The following SSB variants were observed in gnomAD, a reference collection of about 807,000 sequenced individuals.
SSB encodes the protein small RNA binding exonuclease protection factor La.
In SSB, 17 loss-of-function variants were observed where a neutral mutation model predicts 52.9. That is an observed-to-expected ratio of 0.32 (90% CI 0.22 to 0.48). The LOEUF is 0.48. Ranked by LOEUF, SSB falls within the 20% of genes least tolerant of loss-of-function variation. The probability of loss-of-function intolerance (pLI) is 0.99; values close to 1 mark genes in which losing one functional copy is unlikely to be tolerated. For synonymous variants in SSB, 111 were observed against 152.1 expected, an observed-to-expected ratio of 0.73 and a Z score of 1.99; for missense variants, 314 against 463.6, an observed-to-expected ratio of 0.68 and a Z score of 2.96.
chr2:169,805,758 A>T lies in SSB; in HGVS notation c.264A>T (p.Lys88Asn), dbSNP rs1689816407. 1 of 1,614,126 alleles carries T rather than the reference A, an allele frequency of 6.2e-7. No individual in the cohort carries two copies. Among genetic ancestry groups the T allele is most frequent in the Non-Finnish European group, 8.5e-7 (1 of 1,180,018 alleles). The change falls in exon 4 of 12, where the codon AAA becomes AAT. Residue 88 changes from lysine to asparagine, a missense_variant. Physicochemically the swap from Lys to Asn is moderately conservative, Grantham distance 94 (BLOSUM62 0). Coordinates refer to ENST00000260956, the MANE Select transcript of SSB (RefSeq NM_003142.5). ...ELMEISEDKT[K>N]IRRSPSKPLP... ...TGGAAATCAGTGAAGATAAAACTAA[A>T]ATCAGAAGGTCTCCAAGCAAACCCC...
intron 11 of SSB, 77 bp downstream of exon 11, chr2:169,811,400 A>T: frequency 1.4e-6 from 2 of 1,459,146 alleles, no homozygotes; most frequent in Non-Finnish European, 1.8e-6. Flanking sequence ...GCCAGAGAGA[A>T]TAGGGATTTG....
At chr2:169,805,351 G>A (rs1689807626) in intron 2 of SSB, 123 bp from the exon 3 acceptor site, 6 of 644,534 alleles carry the variant, frequency 9.3e-6, no homozygotes, top group Non-Finnish European at 1.1e-5. Flanking sequence ...TATATTTGGG[G>A]AAAGTGTTTT....
intron 9 of SSB, 171 bp downstream of exon 9, chr2:169,810,594 TAG>T (rs1689928704): frequency 2.8e-6 from 2 of 702,842 alleles, no homozygotes; most frequent in Non-Finnish European, 4.6e-6. Flanking sequence ...TATACTAAAT[TAG>T]TTTCTACTTG....
rs773348882 is a variant in SSB at position 169,811,776 on chromosome 2, ATTCATTTTAAATAGGT to A, written c.*23_*38del. 6.2e-7 allele frequency: 1 copy of A among 1,612,992 alleles called. No individual in the cohort carries two copies. The highest frequency in any genetic ancestry group is 1.1e-5 in the South Asian group (1 of 90,766). On this transcript the variant is annotated 3_prime_UTR_variant, in exon 12 of 12. Coordinates refer to ENST00000260956, the MANE Select transcript of SSB (RefSeq NM_003142.5). ...CAGTAGTTTAGTAAACCAATTTTTT[ATTCATTTTAAATAGGT>A]TTTAAACGACTTTTGTTTGCGGGGC...
Position 169,812,047 on chromosome 2 carries a change from A to G in SSB, c.*291A>G, listed in dbSNP as rs1485454690. 7 of 676,788 alleles carry G rather than the reference A, an allele frequency of 1.0e-5. No homozygotes were observed. The highest frequency in any genetic ancestry group is 4.8e-6 in the Non-Finnish European group (2 of 412,866). 41.9% of individuals were successfully genotyped at this position (676,788 alleles called of 1,614,324 possible). ...CAAACTAACTAATAAAATATATACT[A>G]TATGAAAAGAGCAAAAACAGTTTTT... is the stretch of plus-strand genomic sequence containing the variant. On this transcript the variant is annotated 3_prime_UTR_variant, in exon 12 of 12. Coordinates refer to ENST00000260956, the MANE Select transcript of SSB (RefSeq NM_003142.5).
In SSB at chr2:169,801,141, G is replaced by C. The variant is rs1267732476; in HGVS notation, c.66+115G>C. 5 of 786,564 alleles carry C rather than the reference G, an allele frequency of 6.4e-6. No homozygotes were observed. In the East Asian group the frequency reaches 1.1e-4, roughly 18 times the overall value. 48.7% of individuals were successfully genotyped at this position (786,564 alleles called of 1,614,324 possible). A position where few individuals can be genotyped will look rare whatever the true frequency, so the allele number is the denominator to read the frequency against. On this transcript the variant is annotated intron_variant, in intron 2 of 11. Transcript: ENST00000260956. The stretch of plus-strand genomic sequence containing the variant: ...ACATTTGGTTTGCCTTTGATTCTTA[G>C]ATGAACATATAATAGCATACAGTTT...
intron 1 of SSB, among the ~76,000 whole-genome samples, chr2:169,800,389 G>A (rs1689684804): frequency 6.6e-6 from 1 of 151,980 alleles, no homozygotes; most frequent in Non-Finnish European, 1.5e-5. Flanking sequence ...AAATTAGTCA[G>A]CCGCAGCCGT....
intron 4 of SSB, chr2:169,806,129 C>A: frequency 2.9e-6 from 1 of 349,498 alleles, no homozygotes; most frequent in Non-Finnish European, 5.5e-6. Flanking sequence ...TGCTACCATG[C>A]CTGGCAAAAA....
chr2:169,811,837 T>A lies in SSB; in HGVS notation c.*81T>A, dbSNP rs1689966030. The A allele has an allele frequency of 6.2e-7, 1 of 1,613,560 alleles. No individual in the cohort carries two copies. Among genetic ancestry groups the A allele is most frequent in the Non-Finnish European group, 8.5e-7 (1 of 1,179,786 alleles). On this transcript the variant is annotated 3_prime_UTR_variant, in exon 12 of 12. Transcript: ENST00000260956. Reference sequence around the variant, plus strand: ...CGGGGCTTTTAAAAGGAAAACCGAATTAGGTCCACTTCAATGTCCACCTGT... The same window carrying A: ...CGGGGCTTTTAAAAGGAAAACCGAAATAGGTCCACTTCAATGTCCACCTGT...
Position 169,808,317 on chromosome 2 carries a change from TGA to T in SSB, c.555-159_555-158del, listed in dbSNP as rs142207020. Among the ~76,000 whole-genome samples, 1,034 of 152,314 alleles carry T rather than the reference TGA, an allele frequency of 6.8e-3. 11 individuals carry two copies. The highest frequency in any genetic ancestry group is 0.023 in the African/African-American group (972 of 41,574). On this transcript the variant is annotated intron_variant, in intron 6 of 11. Transcript: ENST00000260956. ...AGTAAAGCTGTTATATAAAAAAACA[TGA>T]GAGAGTAAATTCCTTGGCATATTTT...
chr2:169,811,135 G>A, intron 10 of SSB, 48 bp from the exon 11 acceptor site: 1 of 1,592,844 alleles, frequency 6.3e-7, no homozygotes, highest in Admixed American at 1.9e-5. Context: ...ACATTGACAA[G>A]AGACTTAAAA....
At chr2:169,799,484 C>T (rs559297638) in intron 1 of SSB, 6 of 152,136 alleles carry the variant, frequency 3.9e-5, no homozygotes, top group African/African-American at 1.4e-4. Flanking sequence ...GCCTTCATCG[C>T]TCACATCAGG....
rs551271071 is a variant in SSB, at chr2:169,807,896, CTG to C, written c.555-583_555-582del. Among the ~76,000 whole-genome samples, 229 of 152,060 alleles carry C rather than the reference CTG, an allele frequency of 1.5e-3. 2 individuals are homozygous for C. Among genetic ancestry groups the C allele is most frequent in the African/African-American group, 5.3e-3 (221 of 41,498 alleles). ...GGCCATAGTTCCCTACTTTAGAAGA[CTG>C]TGCATTAGTCTTCTAAATGGTATAT... On this transcript the variant is annotated intron_variant, in intron 6 of 11. Transcript: ENST00000260956.
intron 1 of SSB, among the ~76,000 whole-genome samples, chr2:169,800,184 TATG>T (rs987667740): frequency 2.0e-5 from 3 of 152,174 alleles, no homozygotes; most frequent in Admixed American, 1.3e-4. Context: ...ACCTTAAAGT[TATG>T]ATGTCTAACT....
At position 169,806,844 on chromosome 2, in the gene SSB, T is replaced by A; in HGVS notation, c.405T>A (p.Gly135=). The A allele has an allele frequency of 6.2e-7, 1 of 1,613,504 alleles. No homozygotes were observed. The highest frequency in any genetic ancestry group is 8.5e-7 in the Non-Finnish European group (1 of 1,179,782). ...TAAAAGAATGGTTAGAAGATAAAGG[T>A]CAAGTACTAAATATTCAGATGAGAA... ...DDIKEWLEDK[G]QVLNIQMRRT... Residue 135 remains glycine, a synonymous_variant, in exon 5 of 12, where the codon GGT becomes GGA. Transcript: ENST00000260956.
chr2:169,803,639 C>T (rs965845632), intron 2 of SSB, among the ~76,000 whole-genome samples: 24 of 152,070 alleles, frequency 1.6e-4, no homozygotes, highest in African/African-American at 5.8e-4. Flanking sequence ...GGAGGAAGAT[C>T]AATTGAGCCC....
chr2:169,810,583 T>G (rs139689516), intron 9 of SSB, 160 bp downstream of exon 9: 1 of 725,002 alleles, frequency 1.4e-6, no homozygotes, highest in East Asian at 2.8e-5. Flanking sequence ...ATTTTCTGAA[T>G]TATACTAAAT....
chr2:169,806,862 G>A lies in SSB; in HGVS notation c.423G>A (p.Gln141=). 6.2e-7 allele frequency: 1 copy of A among 1,613,276 alleles called. No individual in the cohort carries two copies. The highest frequency in any genetic ancestry group is 8.5e-7 in the Non-Finnish European group (1 of 1,179,648). The change falls in exon 5 of 12, where the codon CAG becomes CAA. Residue 141 remains glutamine, a synonymous_variant. Coordinates refer to ENST00000260956, the MANE Select transcript of SSB (RefSeq NM_003142.5). ...ATAAAGGTCAAGTACTAAATATTCAGATGAGAAGAACATTGCATAAAGCAT... is the reference window on the plus strand; with the variant it reads ...ATAAAGGTCAAGTACTAAATATTCAAATGAGAAGAACATTGCATAAAGCAT... ...LEDKGQVLNI[Q]MRRTLHKAFK...
chr2:169,811,816 G>T lies in SSB; in HGVS notation c.*60G>T, dbSNP rs531785483. ...GTTTTAAACGACTTTTGTTTGCGGG[G>T]CTTTTAAAAGGAAAACCGAATTAGG... is the stretch of plus-strand genomic sequence containing the variant. On this transcript the variant is annotated 3_prime_UTR_variant, in exon 12 of 12. Transcript: ENST00000260956. The T allele has an allele frequency of 1.6e-5, 26 of 1,613,562 alleles. No homozygotes were observed. In the African/African-American group the frequency reaches 3.3e-4, roughly 21 times the overall value.
Sources: allele counts gnomAD v4.1 joint callset (sites outside exome capture counted in the v4.1 genomes callset), GRCh38; gene constraint gnomAD v4.1.1; transcripts MANE v1.5; gene names NCBI Gene and HGNC (gene_info 2026-07-23, HGNC 2026-07-21).